Variants in TAFA1 observed in about 807,000 individuals in gnomAD.
TAFA1 encodes the protein chemokine-like protein TAFA-1.
TAFA1 carries 4 observed loss-of-function variants against 18.5 expected under a neutral mutation model. That is an observed-to-expected ratio of 0.22 (90% CI 0.11 to 0.49). The LOEUF is 0.49. Among genes scored for constraint, TAFA1 ranks in the 20% least tolerant of loss-of-function variants. The pLI is 0.98. For synonymous variants in TAFA1, 56 were observed against 55.2 expected, an observed-to-expected ratio of 1.01 and a Z score of -0.06; for missense variants, 147 against 169.0, an observed-to-expected ratio of 0.87 and a Z score of 0.72.
intron 2 of TAFA1, among the ~76,000 whole-genome samples, chr3:68,266,080 G>A (rs1348007583): frequency 6.6e-6 from 1 of 152,146 alleles, no homozygotes; most frequent in Non-Finnish European, 1.5e-5. Flanking sequence ...GACATAAAAT[G>A]TTCCCTTCAT....
intron 3 of TAFA1, among the ~76,000 whole-genome samples, chr3:68,489,176 A>G (rs1225337472): frequency 6.6e-6 from 1 of 152,166 alleles, no homozygotes; most frequent in African/African-American, 2.4e-5. Flanking sequence ...ATTTTGTCAT[A>G]ATACCAGGAT....
intron 3 of TAFA1, among the ~76,000 whole-genome samples, chr3:68,485,498 C>G (rs2072318664): frequency 6.6e-6 from 1 of 152,154 alleles, no homozygotes; most frequent in Admixed American, 6.5e-5. Flanking sequence ...TGAGCCACTC[C>G]TTATGCAATA....
intron 2 of TAFA1, among the ~76,000 whole-genome samples, chr3:68,364,790 C>G (rs989881760): frequency 6.6e-6 from 1 of 152,172 alleles, no homozygotes; most frequent in Non-Finnish European, 1.5e-5. Flanking sequence ...TATGTTAACT[C>G]TTCTGTTAAC....
At chr3:68,293,043 T>A (rs201014391) in intron 2 of TAFA1, among the ~76,000 whole-genome samples, 45 of 150,616 alleles carry the variant, frequency 3.0e-4, no homozygotes, top group African/African-American at 9.0e-4. Flanking sequence ...AGGATGACTT[T>A]AAAAAAAAAA....
At chr3:68,228,436 T>G (rs1002092847) in intron 2 of TAFA1, among the ~76,000 whole-genome samples, 1 of 152,146 alleles carries the variant, frequency 6.6e-6, no homozygotes, top group African/African-American at 2.4e-5. Flanking sequence ...AAATATCAAC[T>G]GCTATGTCAG....
intron 2 of TAFA1, among the ~76,000 whole-genome samples, chr3:68,051,584 G>A (rs1448122188): frequency 6.6e-6 from 1 of 152,048 alleles, no homozygotes; most frequent in Non-Finnish European, 1.5e-5. Context: ...AGGCTTACCT[G>A]GCTCGAAATG....
At chr3:68,029,424 G>A (rs1180810400) in intron 2 of TAFA1, among the ~76,000 whole-genome samples, 3 of 152,130 alleles carry the variant, frequency 2.0e-5, no homozygotes, top group Non-Finnish European at 4.4e-5. Context: ...TTTATAAAAT[G>A]TACAGTTATA....
At chr3:68,010,815 A>G (rs1038871509) in intron 2 of TAFA1, among the ~76,000 whole-genome samples, 1 of 152,176 alleles carries the variant, frequency 6.6e-6, no homozygotes, top group African/African-American at 2.4e-5. Flanking sequence ...GATGTAGGAA[A>G]TTACCCTAAA....
chr3:68,122,742 T>C (rs537830347), intron 2 of TAFA1, among the ~76,000 whole-genome samples: 61 of 152,316 alleles, frequency 4.0e-4, no homozygotes, highest in Non-Finnish European at 7.9e-4. Flanking sequence ...TATTTTTATA[T>C]GAAGATTTCA....
At chr3:68,307,220 C>A (rs531768105) in intron 2 of TAFA1, among the ~76,000 whole-genome samples, 1 of 152,228 alleles carries the variant, frequency 6.6e-6, no homozygotes, top group South Asian at 2.1e-4. Flanking sequence ...TTTTATAATA[C>A]AATGATGAAA....
intron 3 of TAFA1, among the ~76,000 whole-genome samples, chr3:68,487,635 C>G (rs1248057628): frequency 6.6e-6 from 1 of 151,576 alleles, no homozygotes; most frequent in Admixed American, 6.6e-5. Context: ...GCCTGTAGTC[C>G]TAGCTACTCG....
At chr3:68,490,256 A>G (rs2072426806) in intron 3 of TAFA1, among the ~76,000 whole-genome samples, 1 of 152,224 alleles carries the variant, frequency 6.6e-6, no homozygotes, top group South Asian at 2.1e-4. Context: ...TGAATAGTTC[A>G]TCATATTACA....
chr3:68,050,209 G>T (rs1305014609), intron 2 of TAFA1, among the ~76,000 whole-genome samples: 1 of 152,126 alleles, frequency 6.6e-6, no homozygotes, highest in Non-Finnish European at 1.5e-5. Flanking sequence ...TAGGGAAGAA[G>T]AAAAAACCAT....
Position 68,401,363 on chromosome 3 carries a change from T to TTGTACCTCA in TAFA1, c.119-15914_119-15906dup, listed in dbSNP as rs573742549. Among the ~76,000 whole-genome samples the TTGTACCTCA allele has an allele frequency of 1.1e-4, 17 of 152,338 alleles. No individual in the cohort carries two copies. The South Asian group carries it at 3.5e-3, about 32-fold the overall frequency. On this transcript the variant is annotated intron_variant, in intron 2 of 4. Transcript: ENST00000478136. The stretch of plus-strand genomic sequence containing the variant: ...AATTTTCCTGATACTTTGAATACAC[T>TTGTACCTCA]TGTACCTCATGGCTCTTTGTATTGT...
chr3:68,153,354 A>G (rs1014892189), intron 2 of TAFA1, among the ~76,000 whole-genome samples: 1 of 152,184 alleles, frequency 6.6e-6, no homozygotes, highest in African/African-American at 2.4e-5. Flanking sequence ...GTCACAGGAC[A>G]CTTTCAAGGA....
intron 2 of TAFA1, among the ~76,000 whole-genome samples, chr3:68,080,813 G>T (rs11915313): frequency 0.031 from 4,654 of 152,206 alleles, 253 homozygotes; most frequent in African/African-American, 0.11. Flanking sequence ...TTCTCGAGGA[G>T]TACCTTTGTG....
At chr3:68,513,493 A>G (rs1310109601) in intron 3 of TAFA1, among the ~76,000 whole-genome samples, 1 of 152,164 alleles carries the variant, frequency 6.6e-6, no homozygotes, top group Non-Finnish European at 1.5e-5. Flanking sequence ...GCTAGTAGTT[A>G]TCTTATTTGA....
intron 3 of TAFA1, among the ~76,000 whole-genome samples, chr3:68,430,065 C>G (rs186816041): frequency 7.9e-5 from 12 of 152,010 alleles, no homozygotes; most frequent in South Asian, 4.1e-4. Context: ...GTCATGGAAC[C>G]TACAGTCCAG....
At chr3:68,208,776 T>G (rs1361748844) in intron 2 of TAFA1, among the ~76,000 whole-genome samples, 1 of 151,998 alleles carries the variant, frequency 6.6e-6, no homozygotes, top group Non-Finnish European at 1.5e-5. Context: ...GTGCAGAATT[T>G]CCTCCAAGTT....
Sources: gnomAD v4.1 joint callset for allele counts (sites outside exome capture counted in the v4.1 genomes callset) on GRCh38, gnomAD v4.1.1 for gene constraint, MANE v1.5 for transcripts, NCBI Gene and HGNC (gene_info 2026-07-23, HGNC 2026-07-21) for gene names.